The following WNK3 variants were observed in gnomAD, a reference collection of about 807,000 sequenced individuals.
WNK3 encodes serine/threonine-protein kinase WNK3.
WNK3 carries 18 observed loss-of-function variants against 116.7 expected under a neutral mutation model. That is an observed-to-expected ratio of 0.15 (90% CI 0.11 to 0.23). The LOEUF (loss-of-function observed/expected upper bound fraction) is 0.23. Ranked by LOEUF, WNK3 falls within the 10% of genes least tolerant of loss-of-function variation. WNK3 has a pLI of 1.00. For missense variants in WNK3, 993 were observed against 1,323.8 expected, an observed-to-expected ratio of 0.75 and a Z score of 3.88; for synonymous variants, 404 against 469.4, an observed-to-expected ratio of 0.86 and a Z score of 1.80.
At chrX:54,270,161 A>G (rs1557158896) in intron 10 of WNK3, among the ~76,000 whole-genome samples, 2 of 110,845 alleles carry the variant, frequency 1.8e-5, no homozygotes, top group African/African-American at 6.6e-5. Context: ...GCTCGAGTGC[A>G]ACAGCGTGAT....
At chrX:54,302,729 C>A (rs868964405) in intron 5 of WNK3, among the ~76,000 whole-genome samples, 1,372 of 34,233 alleles carry the variant, frequency 0.04, 18 homozygotes, top group African/African-American at 0.046. Flanking sequence ...CTCTCTCTCT[C>A]TCTATATATA....
intron 21 of WNK3, among the ~76,000 whole-genome samples, chrX:54,230,609 G>GT (rs1323813580): frequency 1.7e-4 from 19 of 111,964 alleles, no homozygotes; most frequent in Non-Finnish European, 3.6e-4. Context: ...TGGTTTGTTA[G>GT]TTTTTAAAAA....
intron 10 of WNK3, among the ~76,000 whole-genome samples, chrX:54,263,849 C>T (rs1036745533): frequency 1.8e-5 from 2 of 110,391 alleles, no homozygotes; most frequent in Non-Finnish European, 3.8e-5. Context: ...TCTATAAAGA[C>T]GTTGTCTTGT....
At chrX:54,299,037 G>A (rs184958642) in intron 6 of WNK3, among the ~76,000 whole-genome samples, 223 of 112,025 alleles carry the variant, frequency 2.0e-3, no homozygotes, top group African/African-American at 6.9e-3. Flanking sequence ...TACAACCCTA[G>A]CCTAGTATTA....
intron 4 of WNK3, 69 bp downstream of exon 4, chrX:54,309,026 C>G: frequency 1.0e-6 from 1 of 953,786 alleles, no homozygotes; most frequent in South Asian, 2.1e-5. Context: ...CTGGCTGATT[C>G]CTGTTCTAGA....
At chrX:54,238,801 A>G in intron 18 of WNK3, 67 bp downstream of exon 18, 1 of 905,212 alleles carries the variant, frequency 1.1e-6, no homozygotes, top group Non-Finnish European at 1.5e-6. Flanking sequence ...GTATATGAAC[A>G]ACAAAAAAAA....
intron 10 of WNK3, among the ~76,000 whole-genome samples, chrX:54,285,980 G>C (rs782173022): frequency 8.9e-6 from 1 of 111,749 alleles, no homozygotes; most frequent in Non-Finnish European, 1.9e-5. Flanking sequence ...AGAGCAGATA[G>C]AGCAAAAGTT....
intron 5 of WNK3, among the ~76,000 whole-genome samples, chrX:54,304,795 T>A (rs897531466): frequency 9.0e-6 from 1 of 110,831 alleles, no homozygotes; most frequent in Non-Finnish European, 1.9e-5. Context: ...CATGGCCATT[T>A]AAAATAAAAC....
chrX:54,267,457 TG>T (rs1419645108), intron 10 of WNK3, among the ~76,000 whole-genome samples: 1 of 110,955 alleles, frequency 9.0e-6, no homozygotes, highest in African/African-American at 3.3e-5. Flanking sequence ...GCTGATAGTT[TG>T]AAGTGGAATA....
chrX:54,255,779 T>C, exon 12 of WNK3: 1 of 1,209,644 alleles, frequency 8.3e-7, no homozygotes, highest in Non-Finnish European at 1.1e-6. Flanking sequence ...CCTTCTCTGG[T>C]CGGGGACAGG....
At chrX:54,230,482 C>G (rs2067888620) in intron 21 of WNK3, among the ~76,000 whole-genome samples, 1 of 111,514 alleles carries the variant, frequency 9.0e-6, no homozygotes, top group Non-Finnish European at 1.9e-5. Context: ...CATCAAATAC[C>G]TATTGGATTG....
intron 2 of WNK3, among the ~76,000 whole-genome samples, chrX:54,326,319 T>C (rs1557173398): frequency 9.0e-6 from 1 of 111,224 alleles, no homozygotes; most frequent in Non-Finnish European, 1.9e-5. Context: ...CTCAATCTCC[T>C]GACCTCGTGA....
At chrX:54,270,705 G>T (rs1348451084) in intron 10 of WNK3, among the ~76,000 whole-genome samples, 1 of 109,915 alleles carries the variant, frequency 9.1e-6, no homozygotes, top group Non-Finnish European at 1.9e-5. Flanking sequence ...CATGCATTAG[G>T]TATTTGTCCT....
At chrX:54,350,292 C>T (rs2147339764) in intron 1 of WNK3, among the ~76,000 whole-genome samples, 1 of 110,344 alleles carries the variant, frequency 9.1e-6, no homozygotes, top group South Asian at 4.0e-4. Flanking sequence ...CACCTATAGT[C>T]CCAGCTACTC....
chrX:54,262,222 A>G (rs1333463620), intron 10 of WNK3, among the ~76,000 whole-genome samples: 2 of 111,587 alleles, frequency 1.8e-5, no homozygotes, highest in Admixed American at 1.9e-4. Context: ...TTTAAAATGT[A>G]TTAAGTATTT....
At chrX:54,302,363 T>C (rs1418726415) in intron 5 of WNK3, among the ~76,000 whole-genome samples, 1 of 111,222 alleles carries the variant, frequency 9.0e-6, no homozygotes, top group Non-Finnish European at 1.9e-5. Flanking sequence ...AGTGGCGTGA[T>C]TTTGGCTCAC....
chrX:54,313,476 C>T (rs1426716697), intron 2 of WNK3, among the ~76,000 whole-genome samples: 1 of 110,002 alleles, frequency 9.1e-6, no homozygotes, highest in Admixed American at 9.8e-5. Flanking sequence ...CTCAGCCTCC[C>T]GAGTAGCTGT....
chrX:54,301,648 G>A, intron 6 of WNK3, 123 bp downstream of exon 6: 1 of 516,102 alleles, frequency 1.9e-6, no homozygotes, highest in Admixed American at 3.5e-5. Flanking sequence ...TCAATCTAGA[G>A]TATGGTTTGG....
intron 20 of WNK3, 102 bp downstream of exon 20, chrX:54,236,836 A>G (rs1410663188): frequency 5.9e-5 from 56 of 955,254 alleles, no homozygotes; most frequent in Non-Finnish European, 6.3e-5. Context: ...GTAGTTTTCA[A>G]TCATTAAAAT....
Sources: allele counts gnomAD v4.1 joint callset (sites outside exome capture counted in the v4.1 genomes callset), GRCh38; gene constraint gnomAD v4.1.1; transcripts MANE v1.5; gene names NCBI Gene and HGNC (gene_info 2026-07-23, HGNC 2026-07-21).